PXDN: variants seen among roughly 807,000 people sequenced by gnomAD.
PXDN encodes peroxidasin homolog.
PXDN carries 77 observed loss-of-function variants against 140.3 expected under a neutral mutation model. The observed-to-expected ratio is 0.55, with a 90% CI of 0.46 to 0.66. PXDN has a LOEUF of 0.66. PXDN is among the 30% of genes least tolerant of loss of function. The pLI is 0.00. For synonymous variants in PXDN, 911 were observed against 857.4 expected, an observed-to-expected ratio of 1.06 and a Z score of -1.09; for missense variants, 1,838 against 2,039.5, an observed-to-expected ratio of 0.90 and a Z score of 1.90.
rs1290468448 is a variant in PXDN, at chr2:1,744,282, G to A, written c.174C>T (p.Pro58=). The change falls in exon 1 of 23, where the codon CCC becomes CCT. Residue 58 remains proline, a synonymous_variant. Transcript: ENST00000252804. ...GGATGGAGGTCTGCGGCGCCACGGC[G>A]GGCACGGCCTCCAGCAGCAGATGCA... ...RCMHLLLEAV[P]AVAPQTSILD... is the part of the protein sequence containing the mutation. 2.0e-6 allele frequency: 3 copies of A among 1,519,508 alleles called. No individual in the cohort carries two copies. Among genetic ancestry groups the A allele is most frequent in the Admixed American group, 2.0e-5 (1 of 49,998 alleles). The allele number at this position is 1,519,508 out of a possible 1,614,324, so 94.1% of individuals were successfully genotyped here. A position where few individuals can be genotyped will look rare whatever the true frequency, so the allele number is the denominator to read the frequency against.
Position 1,648,622 on chromosome 2 carries a change from T to C in PXDN, c.3158A>G (p.Tyr1053Cys). The C allele has an allele frequency of 1.9e-6, 3 of 1,611,396 alleles. No individual in the cohort carries two copies. Among genetic ancestry groups the C allele is most frequent in the South Asian group, 1.1e-5 (1 of 90,686 alleles). The change falls in exon 17 of 23, where the codon TAC becomes TGC. Residue 1053 changes from tyrosine (Y) to cysteine (C), a missense_variant. Around this residue, in one of 5 missense-constraint regions of PXDN, gnomAD observed 850 missense variants for 894.1 expected, o/e 0.95. Coordinates refer to ENST00000252804, the MANE Select transcript of PXDN (RefSeq NM_012293.3). This position sits in a 1 kb window ranked among gnomAD's most constrained non-coding sequence, Gnocchi z 8.9. The stretch of plus-strand genomic sequence containing the variant: ...GATGCCAGCATTGATGCCGGGGTCG[T>C]AGCCGTGGTACTCTCCCAGCGTCCT... ...GMRTLGEYHGYDPGINAGIFN... is the reference protein window; with the variant it reads ...GMRTLGEYHGCDPGINAGIFN...
chr2:1,690,306 G>C (rs947132493), intron 3 of PXDN, among the ~76,000 whole-genome samples: 1 of 152,068 alleles, frequency 6.6e-6, no homozygotes, highest in Admixed American at 6.6e-5. Context: ...CCACCACCAG[G>C]GACACCGCAG....
intron 1 of PXDN, among the ~76,000 whole-genome samples, chr2:1,740,317 G>A (rs1419200121): frequency 1.3e-5 from 2 of 152,182 alleles, no homozygotes; most frequent in African/African-American, 4.8e-5. Flanking sequence ...CTCTCCGAAA[G>A]GCAGCCAGTT....
chr2:1,680,070 GGTGTGTGTGTAAAT>G lies in PXDN; in HGVS notation c.730+109_730+122del, dbSNP rs1357727016. On this transcript the variant is annotated intron_variant, in intron 7 of 22. Coordinates refer to ENST00000252804, the MANE Select transcript of PXDN (RefSeq NM_012293.3). Reference sequence around the variant, plus strand: ...TGTGTCTGCGCGTGTGTCTATAAATGGTGTGTGTGTAAATGTGTGTGTGTGGTGTGTGGATGTTG... The same window carrying G: ...TGTGTCTGCGCGTGTGTCTATAAATGGTGTGTGTGTGGTGTGTGGATGTTG... 7.0e-5 allele frequency: 87 copies of G among 1,238,122 alleles called. 1 individual carries two copies. Among genetic ancestry groups the G allele is most frequent in the East Asian group, 4.4e-4 (17 of 38,654 alleles). 76.7% of individuals were successfully genotyped at this position (1,238,122 alleles called of 1,614,324 possible).
intron 7 of PXDN, among the ~76,000 whole-genome samples, chr2:1,679,627 C>T (rs1463068766): frequency 5.9e-5 from 6 of 102,488 alleles, no homozygotes; most frequent in African/African-American, 1.5e-4. Flanking sequence ...TTTGTGTCTG[C>T]ACGTGTGTGT....
chr2:1,693,269 T>C, intron 1 of PXDN, 135 bp from the exon 2 acceptor site: 1 of 658,960 alleles, frequency 1.5e-6, no homozygotes, highest in Non-Finnish European at 2.6e-6. Context: ...CTTCAATGAA[T>C]CTTCTTTTTC....
chr2:1,669,654 A>G (rs1683530165), intron 9 of PXDN: 1 of 152,154 alleles, frequency 6.6e-6, no homozygotes, highest in African/African-American at 2.4e-5. Flanking sequence ...AGCCTGGCCA[A>G]CATGGCGAAA....
intron 1 of PXDN, among the ~76,000 whole-genome samples, chr2:1,738,156 C>CA (rs1334336098): frequency 8.5e-4 from 129 of 152,292 alleles, no homozygotes; most frequent in Admixed American, 4.7e-3. Flanking sequence ...TGAATTCCCT[C>CA]AAAAAAGGTA....
At chr2:1,736,941 A>G (rs1380444534) in intron 1 of PXDN, among the ~76,000 whole-genome samples, 1 of 152,216 alleles carries the variant, frequency 6.6e-6, no homozygotes, top group African/African-American at 2.4e-5. Flanking sequence ...AGAACAAAAG[A>G]CAGATGCTCC....
intron 1 of PXDN, among the ~76,000 whole-genome samples, chr2:1,697,397 A>G (rs1025262700): frequency 3.3e-5 from 5 of 152,160 alleles, no homozygotes; most frequent in Non-Finnish European, 7.4e-5. Context: ...ATGTAAAGCT[A>G]AACTCTCCAA....
intron 1 of PXDN, among the ~76,000 whole-genome samples, chr2:1,734,324 A>T (rs1203422498): frequency 6.6e-6 from 1 of 152,236 alleles, no homozygotes; most frequent in African/African-American, 2.4e-5. Context: ...TTGCTAAAAA[A>T]ATTTTATAAA....
intron 1 of PXDN, among the ~76,000 whole-genome samples, chr2:1,729,569 G>A (rs1263057671): frequency 6.7e-6 from 1 of 148,280 alleles, no homozygotes; most frequent in African/African-American, 2.6e-5. Flanking sequence ...CAGGGTGGGG[G>A]AGGGGGGTGA....
At position 1,658,554 on chromosome 2, in the gene PXDN, A is replaced by AC. The variant is rs561349723; in HGVS notation, c.1837+2326dup. On this transcript the variant is annotated intron_variant, in intron 14 of 22. Transcript: ENST00000252804. ...CACTCCTTCTCCCACTTGGCCCAGCACCCCCCACTATCCTCCCCGACACCT... is the reference window on the plus strand; with the variant it reads ...CACTCCTTCTCCCACTTGGCCCAGCACCCCCCCACTATCCTCCCCGACACCT... 3.5e-3 allele frequency among the ~76,000 whole-genome samples: 523 copies of AC among 150,598 alleles called. 6 individuals are homozygous for AC. Among genetic ancestry groups the AC allele is most frequent in the African/African-American group, 0.012 (498 of 40,884 alleles).
At chr2:1,686,334 A>T (rs1460696206) in intron 4 of PXDN, among the ~76,000 whole-genome samples, 1 of 152,230 alleles carries the variant, frequency 6.6e-6, no homozygotes, top group Admixed American at 6.5e-5. Flanking sequence ...CAGCCTGGCC[A>T]GCTCAAGAAG....
intron 1 of PXDN, among the ~76,000 whole-genome samples, chr2:1,743,721 G>A (rs1685612017): frequency 7.8e-6 from 1 of 128,048 alleles, no homozygotes; most frequent in Non-Finnish European, 1.7e-5. Context: ...AGGAGGAAGG[G>A]GAGGAGGAAG....
At chr2:1,709,721 C>T (rs1180916057) in intron 1 of PXDN, among the ~76,000 whole-genome samples, 1 of 152,178 alleles carries the variant, frequency 6.6e-6, no homozygotes, top group Non-Finnish European at 1.5e-5. Context: ...GGAGGCCACG[C>T]ACTTTAGATG....
chr2:1,641,994 A>C (rs1558484714), intron 19 of PXDN, among the ~76,000 whole-genome samples: 1 of 152,262 alleles, frequency 6.6e-6, no homozygotes, highest in Non-Finnish European at 1.5e-5. Context: ...TATAAAACAA[A>C]AACAAAAACA....
chr2:1,666,066 C>A (rs1683426944), intron 10 of PXDN, 148 bp downstream of exon 10: 5 of 1,147,306 alleles, frequency 4.4e-6, no homozygotes, highest in Non-Finnish European at 6.1e-6. Flanking sequence ...GTATTTAGTC[C>A]AAGGGGGGTG....
intron 1 of PXDN, among the ~76,000 whole-genome samples, chr2:1,693,926 A>T (rs1684239546): frequency 6.6e-6 from 1 of 152,262 alleles, no homozygotes; most frequent in African/African-American, 2.4e-5. Context: ...GGGGCAGCAC[A>T]GGCAGCCAGG....
Sources: gnomAD v4.1 joint callset for allele counts (sites outside exome capture counted in the v4.1 genomes callset) on GRCh38, gnomAD v4.1.1 for gene constraint, gnomAD v4.1.1 regional missense constraint, Gnocchi (gnomAD v3.1) non-coding constraint, MANE v1.5 for transcripts, NCBI Gene and HGNC (gene_info 2026-07-23, HGNC 2026-07-21) for gene names.